PLA2G5: variants seen among roughly 807,000 people sequenced by gnomAD.
PLA2G5 encodes the protein phospholipase A2 group V.
A neutral mutation model predicts 15.9 loss-of-function variants in PLA2G5; 12 were observed. That is an observed-to-expected ratio of 0.76 (90% CI 0.48 to 1.23). The LOEUF is 1.23. PLA2G5 is among the 50% of genes most tolerant of loss of function. The pLI is 0.00. For missense variants in PLA2G5, 169 were observed against 177.1 expected (o/e 0.95, Z 0.26); for synonymous variants, 71 against 71.4 (o/e 0.99, Z 0.03).
chr1:20,067,730 G>GTGTAGAATTA (rs1268252607), upstream of PLA2G5, among the ~76,000 whole-genome samples: 1 of 151,640 alleles, frequency 6.6e-6, no homozygotes, highest in Non-Finnish European at 1.5e-5. Context: ...AGTGATATTA[G>GTGTAGAATTA]GGCAAGTGTA....
chr1:20,084,881 G>GC lies in PLA2G5; in HGVS notation c.40+15dup. 1 of 1,594,762 alleles carries GC rather than the reference G, an allele frequency of 6.3e-7. No individual in the cohort carries two copies. Among genetic ancestry groups the GC allele is most frequent in the Non-Finnish European group, 8.6e-7 (1 of 1,162,250 alleles). On this transcript the variant is annotated intron_variant, in intron 2 of 4. Transcript: ENST00000375108. ...GGTTCCTGGCTTGTAGTAAGTGCTG[G>GC]CCCCGTGACCTTCGAATGAACTTTT...
At chr1:20,029,759 G>C (rs983323742) in intron 1 of PLA2G5, among the ~76,000 whole-genome samples, 5 of 152,226 alleles carry the variant, frequency 3.3e-5, no homozygotes, top group African/African-American at 1.2e-4. Flanking sequence ...GGTGTGTGCG[G>C]AGGAGGAGGA....
chr1:20,072,505 AAGAG>A (rs1326397637), intron 1 of PLA2G5, among the ~76,000 whole-genome samples: 2 of 152,098 alleles, frequency 1.3e-5, no homozygotes, highest in Admixed American at 6.5e-5. Flanking sequence ...GAGACAGAGA[AAGAG>A]AGAGAGAGAT....
intron 1 of PLA2G5, among the ~76,000 whole-genome samples, chr1:20,044,107 G>T (rs977437271): frequency 3.3e-5 from 5 of 152,220 alleles, no homozygotes; most frequent in Non-Finnish European, 5.9e-5. Flanking sequence ...GGAATCCTGG[G>T]CTGTGAGCAT....
intron 1 of PLA2G5, among the ~76,000 whole-genome samples, chr1:20,038,125 T>C (rs1422877967): frequency 6.6e-6 from 1 of 152,134 alleles, no homozygotes; most frequent in African/African-American, 2.4e-5. Flanking sequence ...TGAGTTCATA[T>C]CCAGGCAGCT....
chr1:20,039,389 T>A (rs933185441), intron 1 of PLA2G5, among the ~76,000 whole-genome samples: 2 of 152,178 alleles, frequency 1.3e-5, no homozygotes, highest in African/African-American at 4.8e-5. Context: ...AAAAGCAATG[T>A]TATATCTGGC....
upstream of PLA2G5, among the ~76,000 whole-genome samples, chr1:20,067,119 C>T (rs2015074154): frequency 6.6e-6 from 1 of 152,044 alleles, no homozygotes; most frequent in Admixed American, 6.6e-5. Context: ...CCTTAGCCTC[C>T]CAAGTAGCTG....
intron 1 of PLA2G5, among the ~76,000 whole-genome samples, chr1:20,031,765 G>C (rs948657722): frequency 6.6e-6 from 1 of 152,144 alleles, no homozygotes; most frequent in Non-Finnish European, 1.5e-5. Context: ...CCCGATGTGG[G>C]AGTAATTAGA....
At chr1:20,031,774 G>C (rs2012961900) in intron 1 of PLA2G5, among the ~76,000 whole-genome samples, 1 of 152,150 alleles carries the variant, frequency 6.6e-6, no homozygotes, top group Admixed American at 6.5e-5. Context: ...GGAGTAATTA[G>C]AATAACCTGG....
At chr1:20,087,463 G>A (rs971973928) in intron 3 of PLA2G5, among the ~76,000 whole-genome samples, 1 of 151,726 alleles carries the variant, frequency 6.6e-6, no homozygotes, top group Admixed American at 6.6e-5. Context: ...GCGCAATCTC[G>A]GCTCACTGCA....
At chr1:20,061,955 C>T (rs1035520616) in intron 2 of PLA2G5, among the ~76,000 whole-genome samples, 1 of 152,176 alleles carries the variant, frequency 6.6e-6, no homozygotes, top group Admixed American at 6.6e-5. Flanking sequence ...GGGAGGTGTT[C>T]GGATCATGGA....
intron 2 of PLA2G5, among the ~76,000 whole-genome samples, chr1:20,064,590 A>AG (rs2014921312): frequency 6.6e-6 from 1 of 151,828 alleles, no homozygotes; most frequent in Admixed American, 6.6e-5. Context: ...AGGAAAAAAA[A>AG]AAAAAAGGAA....
chr1:20,045,121 T>G (rs925707464), intron 1 of PLA2G5, among the ~76,000 whole-genome samples: 14 of 152,170 alleles, frequency 9.2e-5, no homozygotes, highest in South Asian at 2.1e-4. Context: ...CAAGCAGTAT[T>G]GCAGAAGAAA....
intron 1 of PLA2G5, chr1:20,028,742 G>A (rs780130119): frequency 3.9e-5 from 6 of 152,286 alleles, no homozygotes; most frequent in Non-Finnish European, 7.3e-5. Context: ...TTAGCTAAGA[G>A]GAGGAAGATT....
At chr1:20,040,504 C>T (rs1487470776) in intron 1 of PLA2G5, among the ~76,000 whole-genome samples, 1 of 151,978 alleles carries the variant, frequency 6.6e-6, no homozygotes, top group East Asian at 1.9e-4. Flanking sequence ...CTCAAAATGA[C>T]ATTTAGAAAC....
At chr1:20,036,261 C>T (rs967462273) in intron 1 of PLA2G5, among the ~76,000 whole-genome samples, 1 of 152,074 alleles carries the variant, frequency 6.6e-6, no homozygotes, top group Non-Finnish European at 1.5e-5. Flanking sequence ...GTTCTTTGAG[C>T]TTTTTGTATG....
intron 1 of PLA2G5, among the ~76,000 whole-genome samples, chr1:20,042,002 G>C (rs1003486614): frequency 6.6e-6 from 1 of 152,154 alleles, no homozygotes; most frequent in Non-Finnish European, 1.5e-5. Flanking sequence ...TTTTATTAAA[G>C]AGGCATTAAT....
rs185223061 is a variant in PLA2G5 at position 20,080,784 on chromosome 1, C to T, written c.-10-4037C>T. 1.8e-4 allele frequency among the ~76,000 whole-genome samples: 28 copies of T among 151,828 alleles called. 1 individual carries two copies. The highest frequency in any genetic ancestry group is 5.8e-4 in the African/African-American group (24 of 41,188). ...CCGGCCTCTTCTGTGGGCCTGAGGACGGAGAAAAGGTCTCACTGGTGAGGA... is the reference window on the plus strand; with the variant it reads ...CCGGCCTCTTCTGTGGGCCTGAGGATGGAGAAAAGGTCTCACTGGTGAGGA... On this transcript the variant is annotated intron_variant, in intron 1 of 4. Transcript: ENST00000375108.
rs2100616042 is a variant in PLA2G5, at chr1:20,084,822, A to G, written c.-9A>G. The G allele has an allele frequency of 1.9e-6, 3 of 1,605,948 alleles. No homozygotes were observed. The highest frequency in any genetic ancestry group is 1.1e-5 in the South Asian group (1 of 90,858). Reference sequence around the variant, plus strand: ...TGTGGGATGTGTTTTTTTTTCCAGAACCCCAGAGATGAAAGGCCTCCTCCC... The same window carrying G: ...TGTGGGATGTGTTTTTTTTTCCAGAGCCCCAGAGATGAAAGGCCTCCTCCC... On this transcript the variant is annotated splice_region_variant and 5_prime_UTR_variant, in exon 2 of 5. Coordinates refer to ENST00000375108, the MANE Select transcript of PLA2G5 (RefSeq NM_000929.3).
Sources: allele counts gnomAD v4.1 joint callset (sites outside exome capture counted in the v4.1 genomes callset), GRCh38; gene constraint gnomAD v4.1.1; transcripts MANE v1.5; gene names NCBI Gene and HGNC (gene_info 2026-07-23, HGNC 2026-07-21).